The following DLG2 variants were observed in gnomAD, a reference collection of about 807,000 sequenced individuals.
DLG2 encodes the protein disks large homolog 2.
DLG2 carries 45 observed loss-of-function variants against 132.5 expected under a neutral mutation model. The observed-to-expected ratio is 0.34, with a 90% confidence interval of 0.27 to 0.44. The LOEUF (loss-of-function observed/expected upper bound fraction) is 0.44. Among genes scored for constraint, DLG2 ranks in the 20% least tolerant of loss-of-function variants. The pLI, the probability that DLG2 is intolerant of heterozygous loss-of-function variation, is 1.00. For missense variants in DLG2, 1,045 were observed against 1,196.9 expected (o/e 0.87, Z 1.87); for synonymous variants, 424 against 419.6 (o/e 1.01, Z -0.13).
At chr11:83,504,937 G>A (rs1278171376) in intron 21 of DLG2, among the ~76,000 whole-genome samples, 3 of 151,292 alleles carry the variant, frequency 2.0e-5, no homozygotes, top group Non-Finnish European at 4.4e-5. Flanking sequence ...GTTTCAGGAT[G>A]ATGGGGAACA....
intron 14 of DLG2, among the ~76,000 whole-genome samples, chr11:83,957,210 C>G (rs1296083354): frequency 1.3e-5 from 2 of 152,162 alleles, no homozygotes; most frequent in Non-Finnish European, 2.9e-5. Flanking sequence ...ATTTGACAAA[C>G]AGTGGGCTGG....
At chr11:84,392,427 T>A (rs1162592739) in intron 7 of DLG2, among the ~76,000 whole-genome samples, 1 of 152,218 alleles carries the variant, frequency 6.6e-6, no homozygotes. Context: ...ATGACATCCA[T>A]GACATTCATA....
chr11:85,181,892 C>G (rs1225126758), intron 4 of DLG2, among the ~76,000 whole-genome samples: 2 of 151,588 alleles, frequency 1.3e-5, no homozygotes, highest in Admixed American at 6.6e-5. Context: ...AGGAAATGCT[C>G]TCTTCACTGT....
At chr11:85,201,102 G>T (rs1053975956) in intron 4 of DLG2, among the ~76,000 whole-genome samples, 8 of 152,068 alleles carry the variant, frequency 5.3e-5, no homozygotes, top group Non-Finnish European at 1.2e-4. Flanking sequence ...TCTAATCTGT[G>T]CAGGGACTTG....
chr11:85,319,567 T>C (rs2080912007), intron 3 of DLG2, among the ~76,000 whole-genome samples: 1 of 151,796 alleles, frequency 6.6e-6, no homozygotes, highest in Non-Finnish European at 1.5e-5. Flanking sequence ...GTTTCAGCAA[T>C]CTGTGTTAAA....
At chr11:83,869,927 A>G (rs1435226394) in intron 16 of DLG2, among the ~76,000 whole-genome samples, 1 of 152,224 alleles carries the variant, frequency 6.6e-6, no homozygotes, top group Non-Finnish European at 1.5e-5. Context: ...CTCCTAGATG[A>G]AAGAAAGCTT....
At chr11:84,684,419 C>T (rs2099736236) in intron 6 of DLG2, among the ~76,000 whole-genome samples, 4 of 152,284 alleles carry the variant, frequency 2.6e-5, no homozygotes, top group Admixed American at 2.6e-4. Context: ...CTAAGCCTCT[C>T]CACTCCATTC....
chr11:83,908,719 G>A (rs556090897), intron 15 of DLG2, among the ~76,000 whole-genome samples: 11 of 151,852 alleles, frequency 7.2e-5, no homozygotes, highest in Non-Finnish European at 1.5e-4. Flanking sequence ...ACTGGCCAAA[G>A]GAAGGGACTC....
At chr11:84,282,510 A>G (rs2154371095) in intron 7 of DLG2, among the ~76,000 whole-genome samples, 1 of 152,298 alleles carries the variant, frequency 6.6e-6, no homozygotes, top group East Asian at 1.9e-4. Context: ...ACTGTACCTC[A>G]GTGAAGCTAT....
Position 85,204,674 on chromosome 11 carries a change from G to GA in DLG2, c.187-50024dup, listed in dbSNP as rs147441896. ...ATCAATGACATTCTTCACATAAACAGAAAAAAAAAACTCCTAAAATTTGTA... is the reference window on the plus strand; with the variant it reads ...ATCAATGACATTCTTCACATAAACAGAAAAAAAAAAACTCCTAAAATTTGTA... On this transcript the variant is annotated intron_variant, in intron 4 of 27. Coordinates refer to ENST00000376104, the MANE Select transcript of DLG2 (RefSeq NM_001142699.3). Among the ~76,000 whole-genome samples, 648 of 146,636 alleles carry GA rather than the reference G, an allele frequency of 4.4e-3. 20 individuals are homozygous for GA. In the East Asian group the frequency reaches 0.08, roughly 18 times the overall value.
chr11:85,285,816 T>C (rs1278379210), intron 3 of DLG2, among the ~76,000 whole-genome samples: 2 of 151,868 alleles, frequency 1.3e-5, no homozygotes, highest in Non-Finnish European at 2.9e-5. Flanking sequence ...TGCCAGAGGT[T>C]CTGAGAAAGA....
chr11:84,949,138 C>T (rs1293670331), intron 6 of DLG2, among the ~76,000 whole-genome samples: 1 of 152,052 alleles, frequency 6.6e-6, no homozygotes, highest in Non-Finnish European at 1.5e-5. Context: ...TAAAGCTGGG[C>T]ATCCGGGGGA....
intron 20 of DLG2, among the ~76,000 whole-genome samples, chr11:83,534,001 G>T (rs540310238): frequency 3.9e-5 from 6 of 152,294 alleles, no homozygotes; most frequent in East Asian, 1.9e-4. Flanking sequence ...TGATAGTGGG[G>T]TGGAGAAGAG....
chr11:85,423,240 C>G (rs1341681768), intron 3 of DLG2, among the ~76,000 whole-genome samples: 1 of 152,172 alleles, frequency 6.6e-6, no homozygotes, highest in Admixed American at 6.5e-5. Context: ...GCAAGTCTAC[C>G]AAGTACTGAG....
At chr11:84,486,913 C>G (rs889245041) in intron 7 of DLG2, among the ~76,000 whole-genome samples, 1 of 152,058 alleles carries the variant, frequency 6.6e-6, no homozygotes, top group Non-Finnish European at 1.5e-5. Context: ...AGATATAATG[C>G]ATGTATAAGA....
intron 3 of DLG2, among the ~76,000 whole-genome samples, chr11:85,463,247 C>T (rs1214785567): frequency 3.9e-5 from 6 of 152,056 alleles, no homozygotes; most frequent in Admixed American, 1.3e-4. Flanking sequence ...GGGTCCCATG[C>T]TAAATTAATT....
At chr11:85,011,546 C>A (rs1309111017) in intron 6 of DLG2, among the ~76,000 whole-genome samples, 2 of 152,150 alleles carry the variant, frequency 1.3e-5, no homozygotes, top group African/African-American at 4.8e-5. Flanking sequence ...GATAAAAATA[C>A]TTTCTTTGAC....
intron 7 of DLG2, among the ~76,000 whole-genome samples, chr11:84,276,555 C>T (rs949602703): frequency 6.6e-6 from 1 of 152,206 alleles, no homozygotes; most frequent in Non-Finnish European, 1.5e-5. Flanking sequence ...TTTCTACTAT[C>T]ACTCAGTGTG....
chr11:85,304,437 C>T (rs77670978), intron 3 of DLG2, among the ~76,000 whole-genome samples: 1 of 152,132 alleles, frequency 6.6e-6, no homozygotes, highest in East Asian at 1.9e-4. Flanking sequence ...TAGAGACTAA[C>T]TGAAGGTCCA....
Sources: gnomAD v4.1 joint callset for allele counts (sites outside exome capture counted in the v4.1 genomes callset) on GRCh38, gnomAD v4.1.1 for gene constraint, MANE v1.5 for transcripts, NCBI Gene and HGNC (gene_info 2026-07-23, HGNC 2026-07-21) for gene names.